TICRR: variants seen among roughly 807,000 people sequenced by gnomAD.
TICRR encodes TOPBP1 interacting checkpoint and replication regulator.
TICRR carries 132 observed loss-of-function variants against 178.1 expected under a neutral mutation model. The observed-to-expected ratio is 0.74, with a 90% CI of 0.64 to 0.86. The LOEUF (loss-of-function observed/expected upper bound fraction) is 0.86, where lower values mean the gene tolerates loss of function less well. Ranked by LOEUF, TICRR falls within the 40% of genes least tolerant of loss-of-function variation. The probability of loss-of-function intolerance (pLI) is 0.00; values close to 1 mark genes in which losing one functional copy is unlikely to be tolerated. For missense variants in TICRR, 2,587 were observed against 2,334.3 expected (o/e 1.11, Z -2.23); for synonymous variants, 991 against 900.7 (o/e 1.10, Z -1.79).
chr15:89,584,755 T>TA (rs1962791529), intron 3 of TICRR, among the ~76,000 whole-genome samples: 2 of 152,214 alleles, frequency 1.3e-5, no homozygotes, highest in Admixed American at 6.5e-5. Context: ...TATATTCACA[T>TA]AGGGAAGAAG....
At chr15:89,616,727 A>T (rs1183398781) in intron 16 of TICRR, among the ~76,000 whole-genome samples, 2 of 152,204 alleles carry the variant, frequency 1.3e-5, no homozygotes, top group East Asian at 1.9e-4. Flanking sequence ...GCAATAGTTC[A>T]TCCTGTTTTA....
chr15:89,577,028 A>C (rs192463430), intron 1 of TICRR, among the ~76,000 whole-genome samples: 147 of 151,628 alleles, frequency 9.7e-4, no homozygotes, highest in Middle Eastern at 3.4e-3. Flanking sequence ...CAAGTAGCTG[A>C]GACTACAGGC....
chr15:89,613,734 C>CTTTTTTTTTTTTTTTTTTTTTCTTTTTTT (rs1963288847), intron 15 of TICRR, among the ~76,000 whole-genome samples: 1 of 61,570 alleles, frequency 1.6e-5, no homozygotes, highest in Non-Finnish European at 3.0e-5. Context: ...TTTCTATTCG[C>CTTTTTTTTTTTTTTTTTTTTTCTTTTTTT]TTTTTTTTTT....
chr15:89,590,512 ACT>A (rs1962892979), intron 4 of TICRR, among the ~76,000 whole-genome samples: 1 of 152,130 alleles, frequency 6.6e-6, no homozygotes, highest in Non-Finnish European at 1.5e-5. Flanking sequence ...TTTTACCAGT[ACT>A]CTCTGCTGTA....
rs766270036 is a variant in TICRR at position 89,576,212 on chromosome 15, A to C, written c.626A>C (p.Tyr209Ser). 1.3e-6 allele frequency: 2 copies of C among 1,591,992 alleles called. No homozygotes were observed. The highest frequency in any genetic ancestry group is 1.7e-6 in the Non-Finnish European group (2 of 1,175,384). ...EVMVARKITF[Y>S]WVDTTEWSKL... Reference sequence around the variant, plus strand: ...ATGGTCGCCCGAAAAATCACCTTCTACTGGGTGGATACCACCGAATGGTCT... The same window carrying C: ...ATGGTCGCCCGAAAAATCACCTTCTCCTGGGTGGATACCACCGAATGGTCT... The change falls in exon 1 of 22, where the codon TAC becomes TCC. Residue 209 changes from tyrosine (Y) to serine (S), a missense_variant. By Grantham distance (144) the Tyr-to-Ser change is moderately radical (BLOSUM62 -2). Coordinates refer to ENST00000268138, the MANE Select transcript of TICRR (RefSeq NM_152259.4).
At chr15:89,592,927 A>G (rs1459086975) in intron 5 of TICRR, among the ~76,000 whole-genome samples, 1 of 152,226 alleles carries the variant, frequency 6.6e-6, no homozygotes, top group East Asian at 1.9e-4. Flanking sequence ...ACCTTTGTGC[A>G]GATTGATTTC....
intron 15 of TICRR, among the ~76,000 whole-genome samples, chr15:89,614,573 C>T (rs538471491): frequency 5.9e-5 from 9 of 152,262 alleles, no homozygotes; most frequent in African/African-American, 1.2e-4. Context: ...TCAAGCAGTC[C>T]GCCTGCCTCA....
chr15:89,601,673 G>A, intron 11 of TICRR, 64 bp from the exon 12 acceptor site: 4 of 1,611,572 alleles, frequency 2.5e-6, no homozygotes, highest in South Asian at 1.1e-5. Context: ...TTTAGGCTGG[G>A]TGAGGGAGGG....
intron 7 of TICRR, among the ~76,000 whole-genome samples, chr15:89,597,698 A>G (rs1003784583): frequency 4.6e-5 from 7 of 152,068 alleles, no homozygotes; most frequent in African/African-American, 1.7e-4. Context: ...TGTTTTTCTC[A>G]TTCAATATTG....
chr15:89,624,326 A>G lies in TICRR; in HGVS notation c.4016A>G (p.Asp1339Gly), dbSNP rs768809002. The change falls in exon 20 of 22, where the codon GAT becomes GGT. Residue 1339 changes from aspartate (D) to glycine (G), a missense_variant. Transcript: ENST00000268138. ...GAGTGTCCTTCCCCAGGAGAACTGG[A>G]TCAGAAAGAGCCCCAGATGTCACCC... ...KIECPSPGEL[D>G]QKEPQMSPSV... 13 of 1,614,052 alleles carry G rather than the reference A, an allele frequency of 8.1e-6. No homozygotes were observed. In the African/African-American group the frequency reaches 1.6e-4, roughly 20 times the overall value.
At chr15:89,600,108 A>C (rs1963068959) in intron 8 of TICRR, among the ~76,000 whole-genome samples, 1 of 152,184 alleles carries the variant, frequency 6.6e-6, no homozygotes, top group Non-Finnish European at 1.5e-5. Context: ...TCCATCTCCA[A>C]AGAATATATA....
At chr15:89,613,571 A>C (rs1255375606) in intron 15 of TICRR, among the ~76,000 whole-genome samples, 1 of 152,096 alleles carries the variant, frequency 6.6e-6, no homozygotes, top group Non-Finnish European at 1.5e-5. Context: ...TGGTGTCACA[A>C]GTATCTGAAG....
chr15:89,614,949 A>T (rs4399516), intron 15 of TICRR, among the ~76,000 whole-genome samples: 40,192 of 152,090 alleles, frequency 0.26, 6,027 homozygotes, highest in South Asian at 0.37. Flanking sequence ...CCAGAGCCTC[A>T]AGGTTAGCCA....
chr15:89,625,281 C>T lies in TICRR; in HGVS notation c.4971C>T (p.Pro1657=). The change falls in exon 20 of 22, where the codon CCC becomes CCT. Residue 1657 remains proline, a synonymous_variant. Transcript: ENST00000268138. The part of the protein sequence containing the change: ...CTPTHGPSST[P]SPFQTDGVPW... ...CCACCCACGGCCCTTCTAGTACCCC[C>T]TCTCCATTTCAAACAGATGGGGTTC... The T allele has an allele frequency of 6.2e-7, 1 of 1,613,986 alleles. No individual in the cohort carries two copies. Among genetic ancestry groups the T allele is most frequent in the Non-Finnish European group, 8.5e-7 (1 of 1,179,868 alleles).
chr15:89,614,181 A>G (rs564277076), intron 15 of TICRR, among the ~76,000 whole-genome samples: 1 of 152,110 alleles, frequency 6.6e-6, no homozygotes, highest in East Asian at 1.9e-4. Context: ...TAAATAAATA[A>G]AGTCTTGTTC....
At chr15:89,586,122 G>C (rs1283880374) in intron 4 of TICRR, among the ~76,000 whole-genome samples, 180 bp downstream of exon 4, 4 of 152,144 alleles carry the variant, frequency 2.6e-5, no homozygotes, top group African/African-American at 4.8e-5. Flanking sequence ...AAGTACTTCT[G>C]AGGAGGCTGC....
rs1321918417 is a variant in TICRR at position 89,583,084 on chromosome 15, TC to T, written c.934+120del. On this transcript the variant is annotated intron_variant, in intron 2 of 21. Transcript: ENST00000268138. ...AGCCCAGGCACTCAACGAATGCTTG[TC>T]ATGAAAGAATTAAAAGACATCAAGG... The T allele has an allele frequency of 1.8e-5, 20 of 1,137,228 alleles. No homozygotes were observed. In the East Asian group the frequency reaches 1.8e-4, roughly 10 times the overall value. The allele number at this position is 1,137,228 out of a possible 1,614,324, so 70.4% of individuals were successfully genotyped here.
chr15:89,611,793 A>G (rs1212573184), intron 15 of TICRR, among the ~76,000 whole-genome samples: 1 of 152,088 alleles, frequency 6.6e-6, no homozygotes, highest in Non-Finnish European at 1.5e-5. Flanking sequence ...TTTCAGCTCC[A>G]GAATTTCTAC....
rs1596035394 is a variant in TICRR, at chr15:89,575,860, G to T, written c.274G>T (p.Gly92Cys). 6.3e-7 allele frequency: 1 copy of T among 1,585,788 alleles called. No individual in the cohort carries two copies. Among genetic ancestry groups the T allele is most frequent in the Non-Finnish European group, 8.6e-7 (1 of 1,168,754 alleles). ...ARLEDRAHLPGPAPRATHTHG... is the reference protein window; with the variant it reads ...ARLEDRAHLPCPAPRATHTHG... ...GCTCGAGGATCGCGCCCACCTGCCCGGCCCGGCGCCCAGGGCCACCCACAC... is the reference window on the plus strand; with the variant it reads ...GCTCGAGGATCGCGCCCACCTGCCCTGCCCGGCGCCCAGGGCCACCCACAC... Residue 92 changes from glycine (G) to cysteine (C), a missense_variant, in exon 1 of 22, where the codon GGC becomes TGC. Transcript: ENST00000268138.
Sources: gnomAD v4.1 joint callset for allele counts (sites outside exome capture counted in the v4.1 genomes callset) on GRCh38, gnomAD v4.1.1 for gene constraint, MANE v1.5 for transcripts, NCBI Gene and HGNC (gene_info 2026-07-23, HGNC 2026-07-21) for gene names.